The following DERA variants were observed in gnomAD, a reference collection of about 807,000 sequenced individuals.
DERA encodes the protein deoxyribose-phosphate aldolase, also known as 2-deoxy-D-ribose 5-phosphate aldolase.
In DERA, 15 loss-of-function variants were observed where a neutral mutation model predicts 41.1. That is an observed-to-expected ratio of 0.37 (90% CI 0.24 to 0.56). The LOEUF is 0.56. Ranked by LOEUF, DERA falls within the 20% of genes least tolerant of loss-of-function variation. The pLI is 0.81. For synonymous variants in DERA, 139 were observed against 137.4 expected, an observed-to-expected ratio of 1.01 and a Z score of -0.08; for missense variants, 396 against 403.4, an observed-to-expected ratio of 0.98 and a Z score of 0.16.
intron 5 of DERA, among the ~76,000 whole-genome samples, chr12:15,974,910 C>T (rs980306636): frequency 2.6e-5 from 4 of 152,066 alleles, no homozygotes; most frequent in African/African-American, 7.3e-5. Context: ...CCCTCTCTCT[C>T]TCCTTCCCTC....
At chr12:16,018,740 C>CA (rs1466814493) in intron 6 of DERA, among the ~76,000 whole-genome samples, 1 of 151,744 alleles carries the variant, frequency 6.6e-6, no homozygotes, top group African/African-American at 2.4e-5. Flanking sequence ...CCTTAGACCA[C>CA]AAAAATAGTA....
chr12:16,016,600 G>C (rs1948983580), intron 6 of DERA, among the ~76,000 whole-genome samples: 1 of 151,752 alleles, frequency 6.6e-6, no homozygotes, highest in African/African-American at 2.4e-5. Flanking sequence ...AGGAGTTCGA[G>C]ACCAGCCCAG....
At chr12:15,951,331 A>G (rs1304349433) in intron 1 of DERA, 4 of 152,304 alleles carry the variant, frequency 2.6e-5, no homozygotes, top group African/African-American at 7.2e-5. Context: ...CTATGGGAAC[A>G]GAAACAGGGC....
chr12:15,921,415 A>C lies in DERA; in HGVS notation c.31+10001A>C, dbSNP rs968270005. Among the ~76,000 whole-genome samples, 5 of 152,184 alleles carry C rather than the reference A, an allele frequency of 3.3e-5. No individual in the cohort carries two copies. The highest frequency in any genetic ancestry group is 4.8e-5 in the African/African-American group (2 of 41,430). ...AGCTGAAGATGTGAGATTAACCAGA[A>C]AGAGTAATTCCGTTAATTTTCTGGT... On this transcript the variant is annotated intron_variant, in intron 1 of 8. Transcript: ENST00000428559. The surrounding 1 kb of genome is among the most constrained non-coding windows in gnomAD (Gnocchi z 5.3).
chr12:16,024,293 A>G (rs1352332436), intron 6 of DERA, among the ~76,000 whole-genome samples: 1 of 152,244 alleles, frequency 6.6e-6, no homozygotes, highest in Non-Finnish European at 1.5e-5. Context: ...CCACAGATCC[A>G]GGAAGCTCAG....
At chr12:15,929,516 GTCA>G (rs139457435) in intron 1 of DERA, among the ~76,000 whole-genome samples, 3,186 of 152,260 alleles carry the variant, frequency 0.021, 123 homozygotes, top group African/African-American at 0.072. Context: ...TCTGCTTATA[GTCA>G]CAGTATTTTA....
intron 5 of DERA, among the ~76,000 whole-genome samples, chr12:15,977,294 T>C (rs1948703758): frequency 6.6e-6 from 1 of 152,162 alleles, no homozygotes; most frequent in Non-Finnish European, 1.5e-5. Context: ...GCAGTGAGTG[T>C]ACACGTGCAT....
chr12:15,982,506 A>G lies in DERA; in HGVS notation c.637+70A>G. 6.8e-7 allele frequency: 1 copy of G among 1,471,440 alleles called. No homozygotes were observed. Among genetic ancestry groups the G allele is most frequent in the Non-Finnish European group, 9.1e-7 (1 of 1,100,676 alleles). 91.1% of individuals were successfully genotyped at this position (1,471,440 alleles called of 1,614,324 possible). On this transcript the variant is annotated intron_variant, in intron 6 of 8. Transcript: ENST00000428559. This position sits in a 1 kb window ranked among gnomAD's most constrained non-coding sequence, Gnocchi z 4.0. ...TTTTAGGAGAAATTAAGTAAGTGAA[A>G]GCATTTAGCTATTATTAAACGTGCT...
At position 15,998,923 on chromosome 12, in the gene DERA, C is replaced by T. The variant is rs182346581; in HGVS notation, c.637+16487C>T. 2.0e-4 allele frequency among the ~76,000 whole-genome samples: 30 copies of T among 152,290 alleles called. No individual in the cohort carries two copies. Among genetic ancestry groups the T allele is most frequent in the African/African-American group, 6.5e-4 (27 of 41,578 alleles). On this transcript the variant is annotated intron_variant, in intron 6 of 8. Coordinates refer to ENST00000428559, the MANE Select transcript of DERA (RefSeq NM_015954.4). This position sits in a 1 kb window ranked among gnomAD's most constrained non-coding sequence, Gnocchi z 4.8. ...CGCATATACAGTGTTTTTCTAAGAG[C>T]AAGAATTTATATTTTAAATTTAGGT...
Position 15,999,893 on chromosome 12 carries a change from A to G in DERA, c.637+17457A>G, listed in dbSNP as rs945791037. On this transcript the variant is annotated intron_variant, in intron 6 of 8. Coordinates refer to ENST00000428559, the MANE Select transcript of DERA (RefSeq NM_015954.4). This position sits in a 1 kb window ranked among gnomAD's most constrained non-coding sequence, Gnocchi z 5.3. ...TTTGTAGAAGCAGAGCAGTGATCAG[A>G]TTTTCATTTTAGGGACATAACCTTT... Among the ~76,000 whole-genome samples the G allele has an allele frequency of 1.3e-5, 2 of 152,116 alleles. No individual in the cohort carries two copies. Among genetic ancestry groups the G allele is most frequent in the Non-Finnish European group, 2.9e-5 (2 of 68,014 alleles).
rs188234410 is a variant in DERA, at chr12:15,913,153, T to C, written c.31+1739T>C. Among the ~76,000 whole-genome samples the C allele has an allele frequency of 2.6e-3, 399 of 152,358 alleles. 5 individuals are homozygous for C. Among genetic ancestry groups the C allele is most frequent in the African/African-American group, 8.7e-3 (363 of 41,586 alleles). ...TCAAAAAACATAATTGAACCATTTT[T>C]AAATTTATTTATTTGCAGTAATTAG... is the stretch of plus-strand genomic sequence containing the variant. On this transcript the variant is annotated intron_variant, in intron 1 of 8. Transcript: ENST00000428559. This position sits in a 1 kb window ranked among gnomAD's most constrained non-coding sequence, Gnocchi z 4.5.
chr12:15,949,509 T>C (rs540786300), intron 1 of DERA, among the ~76,000 whole-genome samples: 2 of 152,260 alleles, frequency 1.3e-5, no homozygotes, highest in East Asian at 3.9e-4. Context: ...GGGCGTGGGA[T>C]ATAATCTCCT....
In DERA at chr12:16,017,593, A is replaced by G. The variant is rs575220484; in HGVS notation, c.638-14949A>G. 1.1e-4 allele frequency among the ~76,000 whole-genome samples: 16 copies of G among 152,276 alleles called. No individual in the cohort carries two copies. The South Asian group carries it at 3.3e-3, about 32-fold the overall frequency. ...TACTCTGGCCAGTGCTTCAACCGTA[A>G]CACTGCATCTTTATTATATTGCCCT... On this transcript the variant is annotated intron_variant, in intron 6 of 8. Transcript: ENST00000428559. This position sits in a 1 kb window ranked among gnomAD's most constrained non-coding sequence, Gnocchi z 5.5.
intron 6 of DERA, among the ~76,000 whole-genome samples, chr12:16,016,722 G>A (rs1019214186): frequency 2.8e-5 from 4 of 141,106 alleles, no homozygotes; most frequent in Admixed American, 7.8e-5. Context: ...AACCCAGGAG[G>A]TCAAGGCTGC....
intron 1 of DERA, among the ~76,000 whole-genome samples, chr12:15,947,267 A>G (rs895836389): frequency 6.6e-6 from 1 of 151,932 alleles, no homozygotes; most frequent in Non-Finnish European, 1.5e-5. Flanking sequence ...ATCCTTGTTA[A>G]CTTTCTGTCT....
chr12:15,960,500 T>A (rs1448654624), intron 4 of DERA, among the ~76,000 whole-genome samples: 1 of 150,796 alleles, frequency 6.6e-6, no homozygotes, highest in Non-Finnish European at 1.5e-5. Context: ...TAGCCAGGCA[T>A]GGTGGCAGGT....
At chr12:15,912,119 C>T (rs893625173) in intron 1 of DERA, among the ~76,000 whole-genome samples, 5 of 151,028 alleles carry the variant, frequency 3.3e-5, no homozygotes, top group Admixed American at 6.6e-5. Context: ...AGCTGATAAA[C>T]AAGTGAACAA....
rs1371359026 is a variant in DERA at position 16,000,270 on chromosome 12, A to C, written c.637+17834A>C. The stretch of plus-strand genomic sequence containing the variant: ...ATTGGTTTATTGCAGAACATAGCGC[A>C]GTCTAACCGCTTTTCCTCTACTTTT... On this transcript the variant is annotated intron_variant, in intron 6 of 8. Coordinates refer to ENST00000428559, the MANE Select transcript of DERA (RefSeq NM_015954.4). The surrounding 1 kb of genome is among the most constrained non-coding windows in gnomAD (Gnocchi z 4.8). 6.6e-6 allele frequency among the ~76,000 whole-genome samples: 1 copy of C among 152,222 alleles called. No individual in the cohort carries two copies. The highest frequency in any genetic ancestry group is 6.5e-5 in the Admixed American group (1 of 15,290).
intron 4 of DERA, 124 bp from the exon 5 acceptor site, chr12:15,962,689 G>A (rs1045658366): frequency 1.4e-5 from 10 of 696,600 alleles, no homozygotes; most frequent in South Asian, 4.3e-5. Flanking sequence ...CTGATGTTTG[G>A]GGGTTTGGAA....
Sources: allele counts gnomAD v4.1 joint callset (sites outside exome capture counted in the v4.1 genomes callset), GRCh38; gene constraint gnomAD v4.1.1; non-coding constraint Gnocchi (gnomAD v3.1); transcripts MANE v1.5; gene names NCBI Gene and HGNC (gene_info 2026-07-23, HGNC 2026-07-21).